CDH4: variants seen among roughly 807,000 people sequenced by gnomAD.
The protein encoded by CDH4 is cadherin 4.
CDH4 carries 33 observed loss-of-function variants against 86.0 expected under a neutral mutation model. The observed-to-expected ratio is 0.38, with a 90% CI of 0.29 to 0.51. The LOEUF (loss-of-function observed/expected upper bound fraction) is 0.51. Among genes scored for constraint, CDH4 ranks in the 20% least tolerant of loss-of-function variants. CDH4 has a pLI of 0.86. For synonymous variants in CDH4, 555 were observed against 549.4 expected (o/e 1.01, Z -0.14); for missense variants, 1,114 against 1,307.4 (o/e 0.85, Z 2.28).
chr20:61,869,511 C>T (rs1182563817), intron 6 of CDH4, among the ~76,000 whole-genome samples: 1 of 152,212 alleles, frequency 6.6e-6, no homozygotes, highest in Non-Finnish European at 1.5e-5. Context: ...GCTCACTGGA[C>T]CCAGCCACGT....
intron 15 of CDH4, 151 bp from the exon 16 acceptor site, chr20:61,936,586 T>G: frequency 1.9e-6 from 1 of 519,754 alleles, no homozygotes. Context: ...GAAATGCCCT[T>G]CAGTTAAATG....
At chr20:61,279,679 G>A (rs889306149) in intron 2 of CDH4, among the ~76,000 whole-genome samples, 1 of 152,146 alleles carries the variant, frequency 6.6e-6, no homozygotes, top group Non-Finnish European at 1.5e-5. Flanking sequence ...ATTGTTTCCC[G>A]GGAACGTAGA....
intron 4 of CDH4, among the ~76,000 whole-genome samples, chr20:61,800,791 C>T (rs1979788929): frequency 1.3e-5 from 2 of 152,264 alleles, no homozygotes; most frequent in South Asian, 2.1e-4. Flanking sequence ...TGGGCTGGAA[C>T]TCCCTGCCTT....
At chr20:61,400,360 T>C (rs2085042776) in intron 2 of CDH4, among the ~76,000 whole-genome samples, 1 of 152,144 alleles carries the variant, frequency 6.6e-6, no homozygotes, top group Admixed American at 6.5e-5. Flanking sequence ...AGGAACCCTT[T>C]AGGGCTGATC....
chr20:61,496,011 A>C (rs1192781149), intron 2 of CDH4, among the ~76,000 whole-genome samples: 1 of 152,086 alleles, frequency 6.6e-6, no homozygotes, highest in South Asian at 2.1e-4. Context: ...AGCTCCTCGA[A>C]CATTTTTTTC....
In CDH4 at chr20:61,582,436, AT is replaced by A. The variant is rs1457383526; in HGVS notation, c.170-161126del. Among the ~76,000 whole-genome samples the A allele has an allele frequency of 6.6e-5, 10 of 152,178 alleles. No homozygotes were observed. The highest frequency in any genetic ancestry group is 1.3e-4 in the Non-Finnish European group (9 of 68,020). ...CTGTCCGCAAGTCCTTCTCAGAACC[AT>A]CCCATGTGCCTGTCCCTGTGGCCCT... On this transcript the variant is annotated intron_variant, in intron 2 of 15. Transcript: ENST00000614565. This position sits in a 1 kb window ranked among gnomAD's most constrained non-coding sequence, Gnocchi z 4.2.
chr20:61,666,384 C>G (rs1003865250), intron 2 of CDH4, among the ~76,000 whole-genome samples: 3 of 152,220 alleles, frequency 2.0e-5, no homozygotes, highest in Non-Finnish European at 4.4e-5. Context: ...GCCACTGCGT[C>G]CCTGCAGCCC....
intron 2 of CDH4, among the ~76,000 whole-genome samples, chr20:61,305,884 G>A (rs547047586): frequency 6.6e-6 from 1 of 152,360 alleles, no homozygotes; most frequent in African/African-American, 2.4e-5. Flanking sequence ...CTAGAGTGAA[G>A]ATCGGCCCAC....
chr20:61,274,406 C>A (rs1287024292), intron 2 of CDH4, among the ~76,000 whole-genome samples: 3 of 62,608 alleles, frequency 4.8e-5, no homozygotes, highest in East Asian at 5.0e-4. Context: ...GTACTGTGTG[C>A]AGTTTGGGGG....
chr20:61,306,566 A>G (rs1343699438), intron 2 of CDH4, among the ~76,000 whole-genome samples: 1 of 152,006 alleles, frequency 6.6e-6, no homozygotes, highest in Non-Finnish European at 1.5e-5. Flanking sequence ...TACACTCCTG[A>G]ACTTGTGATC....
chr20:61,696,637 C>T (rs2087717865), intron 2 of CDH4, among the ~76,000 whole-genome samples: 1 of 152,188 alleles, frequency 6.6e-6, no homozygotes, highest in African/African-American at 2.4e-5. Context: ...GGCCCAAGTC[C>T]ACCCTCTGAC....
intron 2 of CDH4, among the ~76,000 whole-genome samples, chr20:61,364,688 C>T (rs1252810981): frequency 6.6e-6 from 1 of 152,182 alleles, no homozygotes; most frequent in Non-Finnish European, 1.5e-5. Context: ...TTTTAAACCC[C>T]AGGGTGGAGA....
chr20:61,692,219 ATG>A (rs1168605378), intron 2 of CDH4, among the ~76,000 whole-genome samples: 1 of 146,156 alleles, frequency 6.8e-6, no homozygotes, highest in African/African-American at 2.5e-5. Flanking sequence ...CTATGTATGT[ATG>A]TGTGTATGTG....
chr20:61,817,169 C>T (rs545005700), intron 4 of CDH4, among the ~76,000 whole-genome samples: 15 of 152,356 alleles, frequency 9.8e-5, no homozygotes, highest in African/African-American at 3.4e-4. Context: ...CATCCTTGGG[C>T]GCAGCCCTGA....
At chr20:61,697,981 A>C (rs1042189560) in intron 2 of CDH4, among the ~76,000 whole-genome samples, 1 of 152,316 alleles carries the variant, frequency 6.6e-6, no homozygotes, top group East Asian at 1.9e-4. Context: ...GAGCCAGGAG[A>C]AGAGGGTTCT....
At chr20:61,520,324 T>C (rs2085859391) in intron 2 of CDH4, among the ~76,000 whole-genome samples, 1 of 152,214 alleles carries the variant, frequency 6.6e-6, no homozygotes, top group East Asian at 1.9e-4. Context: ...GAGGCAGTGC[T>C]GCCTAGGAAC....
intron 2 of CDH4, among the ~76,000 whole-genome samples, chr20:61,634,026 C>G (rs1326239648): frequency 6.6e-6 from 1 of 152,224 alleles, no homozygotes; most frequent in Non-Finnish European, 1.5e-5. Context: ...GCAAGTGAAA[C>G]CTACGGCAAG....
intron 2 of CDH4, among the ~76,000 whole-genome samples, chr20:61,627,223 G>A (rs1284092179): frequency 6.6e-6 from 1 of 152,198 alleles, no homozygotes; most frequent in Non-Finnish European, 1.5e-5. Context: ...GTGGTTCAAG[G>A]TGAGCAAACC....
intron 2 of CDH4, among the ~76,000 whole-genome samples, chr20:61,330,564 C>G (rs573615948): frequency 1.3e-5 from 2 of 152,318 alleles, no homozygotes; most frequent in African/African-American, 4.8e-5. Flanking sequence ...AGGCAGTTGC[C>G]TTCAAGAAAA....
Sources: gnomAD v4.1 joint callset for allele counts (sites outside exome capture counted in the v4.1 genomes callset) on GRCh38, gnomAD v4.1.1 for gene constraint, Gnocchi (gnomAD v3.1) non-coding constraint, MANE v1.5 for transcripts, NCBI Gene and HGNC (gene_info 2026-07-23, HGNC 2026-07-21) for gene names.